The following SLC4A1AP variants were observed in gnomAD, a reference collection of about 807,000 sequenced individuals.
SLC4A1AP encodes the protein kanadaptin.
In SLC4A1AP, 64 loss-of-function variants were observed where a neutral mutation model predicts 89.7. That is an observed-to-expected ratio of 0.71 (90% confidence interval 0.58 to 0.88). The LOEUF (loss-of-function observed/expected upper bound fraction) is 0.88. Ranked by LOEUF, SLC4A1AP falls within the 40% of genes least tolerant of loss-of-function variation. SLC4A1AP has a pLI of 0.00. For missense variants in SLC4A1AP, 931 were observed against 965.0 expected, an observed-to-expected ratio of 0.96 and a Z score of 0.47; for synonymous variants, 366 against 353.3, an observed-to-expected ratio of 1.04 and a Z score of -0.40.
Position 27,694,799 on chromosome 2 carries a change from C to G in SLC4A1AP, c.*116C>G, listed in dbSNP as rs1675846640. 4 of 782,218 alleles carry G rather than the reference C, an allele frequency of 5.1e-6. No homozygotes were observed. The South Asian group carries it at 9.6e-5, about 19-fold the overall frequency. The allele number at this position is 782,218 out of a possible 1,614,324, so 48.5% of individuals were successfully genotyped here. On this transcript the variant is annotated 3_prime_UTR_variant, in exon 14 of 14. Coordinates refer to ENST00000613058, the Ensembl canonical transcript of SLC4A1AP. ...GATGATTATTTGTAAGATCTGGTGACTGGCTTTTCGTTCTGTGTTCTTGGC... is the reference window on the plus strand; with the variant it reads ...GATGATTATTTGTAAGATCTGGTGAGTGGCTTTTCGTTCTGTGTTCTTGGC...
intron 3 of SLC4A1AP, 128 bp downstream of exon 3, chr2:27,667,518 A>G: frequency 1.1e-6 from 1 of 905,284 alleles, no homozygotes; most frequent in South Asian, 3.0e-5. Flanking sequence ...TTCACTTTTT[A>G]CTCTTGTGGT....
chr2:27,690,321 T>G (rs12998770), intron 12 of SLC4A1AP, among the ~76,000 whole-genome samples: 1 of 151,878 alleles, frequency 6.6e-6, no homozygotes, highest in South Asian at 2.1e-4. Context: ...CTCCTCCCTC[T>G]GAGTCTCCAA....
At chr2:27,685,207 G>C in exon 10 of SLC4A1AP, 2 of 1,614,174 alleles carry the variant, frequency 1.2e-6, no homozygotes, top group Non-Finnish European at 8.5e-7. Context: ...CAGAGATAGA[G>C]CCAGAAGCAG....
intron 3 of SLC4A1AP, 58 bp downstream of exon 3, chr2:27,667,448 T>C (rs1675348423): frequency 6.6e-6 from 10 of 1,504,816 alleles, no homozygotes; most frequent in Non-Finnish European, 8.9e-6. Flanking sequence ...TGTGGTTTTC[T>C]AGAGCTTCAT....
At chr2:27,674,198 G>C (rs1039772551) in intron 5 of SLC4A1AP, among the ~76,000 whole-genome samples, 6 of 152,102 alleles carry the variant, frequency 3.9e-5, no homozygotes. Context: ...AAATATGAGG[G>C]AAAGAGTCTT....
chr2:27,671,604 A>T (rs1342403971), intron 5 of SLC4A1AP, among the ~76,000 whole-genome samples: 1 of 152,132 alleles, frequency 6.6e-6, no homozygotes, highest in Non-Finnish European at 1.5e-5. Flanking sequence ...GTCACCTGGG[A>T]CTTAACTTTC....
At chr2:27,673,319 TCTCTC>T (rs1483674480) in intron 5 of SLC4A1AP, among the ~76,000 whole-genome samples, 1 of 31,564 alleles carries the variant, frequency 3.2e-5, no homozygotes, top group Admixed American at 5.1e-4. Flanking sequence ...TCTCTCTCTC[TCTCTC>T]TTTCTTTTCT....
At chr2:27,673,124 T>C (rs1404158777) in intron 5 of SLC4A1AP, among the ~76,000 whole-genome samples, 1 of 152,166 alleles carries the variant, frequency 6.6e-6, no homozygotes, top group East Asian at 1.9e-4. Context: ...TACTTAGTCC[T>C]CCATAACCTT....
chr2:27,667,450 G>A (rs1170197872), intron 3 of SLC4A1AP, 60 bp downstream of exon 3: 1 of 1,497,882 alleles, frequency 6.7e-7, no homozygotes, highest in Non-Finnish European at 9.0e-7. Context: ...TGGTTTTCTA[G>A]AGCTTCATGT....
intron 5 of SLC4A1AP, among the ~76,000 whole-genome samples, chr2:27,670,885 A>T (rs866038213): frequency 1.7e-4 from 25 of 150,276 alleles, no homozygotes; most frequent in African/African-American, 4.4e-4. Context: ...AATTAAATTT[A>T]AAAAAAAACA....
intron 12 of SLC4A1AP, among the ~76,000 whole-genome samples, chr2:27,690,897 AG>A (rs1171560084): frequency 2.0e-5 from 3 of 152,136 alleles, no homozygotes; most frequent in Admixed American, 6.6e-5. Flanking sequence ...TGTATTGAAT[AG>A]GGTGTATTAT....
At chr2:27,664,249 C>T in exon 1 of SLC4A1AP, 1 of 1,614,204 alleles carries the variant, frequency 6.2e-7, no homozygotes, top group Non-Finnish European at 8.5e-7. Flanking sequence ...GCCACAGCCC[C>T]CTACAGCTTA....
At chr2:27,677,155 G>A in intron 6 of SLC4A1AP, 140 bp from the exon 7 acceptor site, 1 of 680,750 alleles carries the variant, frequency 1.5e-6, no homozygotes. Context: ...AAAAAAAAGT[G>A]TTAACTCCAT....
chr2:27,664,397 CAG>C lies in SLC4A1AP; in HGVS notation c.646_647del (p.Arg216GlyfsTer5). 6.2e-7 allele frequency: 1 copy of C among 1,614,224 alleles called. No individual in the cohort carries two copies. Among genetic ancestry groups the C allele is most frequent in the Admixed American group, 1.7e-5 (1 of 60,026 alleles). On this transcript the variant is annotated frameshift_variant, in exon 1 of 14. Coordinates refer to ENST00000613058, the Ensembl canonical transcript of SLC4A1AP. LOFTEE classifies it high-confidence loss of function. Reference sequence around the variant, plus strand: ...CTCGGTACCACGCAGTGCTGCAGCACAGGGCGTCCGGCCCTGACGGAGAATGC... The same window carrying C: ...CTCGGTACCACGCAGTGCTGCAGCACGGCGTCCGGCCCTGACGGAGAATGC...
intron 3 of SLC4A1AP, among the ~76,000 whole-genome samples, chr2:27,668,315 AT>A (rs988666221): frequency 6.6e-6 from 1 of 151,652 alleles, no homozygotes; most frequent in Non-Finnish European, 1.5e-5. Context: ...CGCCCGGCTA[AT>A]TTTTTTTGTA....
chr2:27,665,920 T>C (rs1364568660), intron 2 of SLC4A1AP, among the ~76,000 whole-genome samples: 2 of 152,154 alleles, frequency 1.3e-5, no homozygotes, highest in Admixed American at 1.3e-4. Flanking sequence ...AAACCATAAG[T>C]ATGCTAGAGT....
At chr2:27,690,151 A>G (rs887167716) in intron 12 of SLC4A1AP, among the ~76,000 whole-genome samples, 19 of 152,316 alleles carry the variant, frequency 1.2e-4, no homozygotes, top group Admixed American at 2.0e-4. Context: ...TTATACCTAT[A>G]TATATAATTT....
chr2:27,687,461 CA>C (rs1675721901), intron 10 of SLC4A1AP, among the ~76,000 whole-genome samples: 1 of 151,980 alleles, frequency 6.6e-6, no homozygotes, highest in South Asian at 2.1e-4. Flanking sequence ...CATGGTGGTA[CA>C]TGCCTGTAGT....
At chr2:27,685,131 A>G in exon 10 of SLC4A1AP, 1 of 1,614,032 alleles carries the variant, frequency 6.2e-7, no homozygotes, top group Non-Finnish European at 8.5e-7. Flanking sequence ...GAAGAGGAAG[A>G]AGAGAAAGAA....
Sources: allele counts gnomAD v4.1 joint callset (sites outside exome capture counted in the v4.1 genomes callset), GRCh38; gene constraint gnomAD v4.1.1; transcripts MANE v1.5; gene names NCBI Gene and HGNC (gene_info 2026-07-23, HGNC 2026-07-21).